Variants in KDM2B observed in about 807,000 individuals in gnomAD.
KDM2B encodes lysine-specific demethylase 2B.
A neutral mutation model predicts 150.0 loss-of-function variants in KDM2B; 26 were observed. That is an observed-to-expected ratio of 0.17 (90% CI 0.13 to 0.24). The LOEUF is 0.24. Among genes scored for constraint, KDM2B ranks in the 10% least tolerant of loss-of-function variants. The pLI is 1.00. For missense variants in KDM2B, 1,265 were observed against 1,816.9 expected, an observed-to-expected ratio of 0.70 and a Z score of 5.52; for synonymous variants, 734 against 729.5, an observed-to-expected ratio of 1.01 and a Z score of -0.10.
intron 6 of KDM2B, among the ~76,000 whole-genome samples, chr12:121,539,322 C>T (rs1225564260): frequency 1.0e-5 from 1 of 99,546 alleles, no homozygotes; most frequent in Non-Finnish European, 1.9e-5. Context: ...AGGAGACCCT[C>T]TCCCAAAAAA....
intron 12 of KDM2B, among the ~76,000 whole-genome samples, chr12:121,479,191 T>C (rs1555297374): frequency 6.6e-6 from 1 of 151,954 alleles, no homozygotes; most frequent in Non-Finnish European, 1.5e-5. Flanking sequence ...GGCTCAGGCC[T>C]GTAATCCCAG....
chr12:121,447,300 G>A (rs1876441731), intron 13 of KDM2B, among the ~76,000 whole-genome samples: 1 of 151,742 alleles, frequency 6.6e-6, no homozygotes, highest in African/African-American at 2.4e-5. Flanking sequence ...CCAGGCTGGA[G>A]TGCAGTGGCA....
intron 12 of KDM2B, among the ~76,000 whole-genome samples, chr12:121,455,847 C>T (rs1555292610): frequency 1.3e-5 from 2 of 152,236 alleles, no homozygotes; most frequent in East Asian, 3.8e-4. Context: ...CGTCTGGCTG[C>T]CCACGTGAGA....
At chr12:121,491,913 A>G (rs1426134582) in intron 12 of KDM2B, among the ~76,000 whole-genome samples, 2 of 152,188 alleles carry the variant, frequency 1.3e-5, no homozygotes, top group Non-Finnish European at 2.9e-5. Context: ...CTGTAATCAC[A>G]ACACTTTGGG....
chr12:121,541,003 CG>C (rs1353720315), intron 6 of KDM2B, among the ~76,000 whole-genome samples: 1 of 151,866 alleles, frequency 6.6e-6, no homozygotes, highest in Non-Finnish European at 1.5e-5. Flanking sequence ...GAGGCCGAGG[CG>C]GGTGGATCAC....
chr12:121,417,959 T>C, the KDM2B span: 1 of 1,568,588 alleles, frequency 6.4e-7, no homozygotes, highest in Non-Finnish European at 8.7e-7. This position sits in a 1 kb window ranked among gnomAD's most constrained non-coding sequence, Gnocchi z 5.0. Flanking sequence ...CGCTTATTCT[T>C]GGCCGTATAT....
At position 121,440,797 on chromosome 12, in the gene KDM2B, C is replaced by T. The variant is rs1555287984; in HGVS notation, c.3610+19G>A. ...TCGCTCACCCCACCCCCACAGAAACCCCCAGCCTGGCAACTCACCTGGCCT... is the reference window on the plus strand; with the variant it reads ...TCGCTCACCCCACCCCCACAGAAACTCCCAGCCTGGCAACTCACCTGGCCT... On this transcript the variant is annotated intron_variant, in intron 21 of 22. Coordinates refer to ENST00000377071, the MANE Select transcript of KDM2B (RefSeq NM_032590.5). 1 of 1,593,974 alleles carries T rather than the reference C, an allele frequency of 6.3e-7. No individual in the cohort carries two copies. Among genetic ancestry groups the T allele is most frequent in the Non-Finnish European group, 8.6e-7 (1 of 1,169,482 alleles).
intron 12 of KDM2B, among the ~76,000 whole-genome samples, chr12:121,491,449 G>A (rs2140290631): frequency 6.6e-6 from 1 of 152,212 alleles, no homozygotes; most frequent in African/African-American, 2.4e-5. Flanking sequence ...TTCTTCTTCT[G>A]CTTCACACCA....
At chr12:121,503,468 CTTTTG>C (rs151275311) in intron 11 of KDM2B, among the ~76,000 whole-genome samples, 3,875 of 151,762 alleles carry the variant, frequency 0.026, 143 homozygotes, top group African/African-American at 0.087. Flanking sequence ...TTTTTTGTTC[CTTTTG>C]TTTTGTTTTG....
chr12:121,580,516 G>A lies in KDM2B; in HGVS notation c.126+270C>T, dbSNP rs1228386725. ...CCGCCGCCCGGGAGTTGTGTGCAGA[G>A]CTGACTTTTGGAGGGCCGAGTTGCA... is the stretch of plus-strand genomic sequence containing the variant. On this transcript the variant is annotated intron_variant, in intron 1 of 22. Transcript: ENST00000377071. 3 of 1,267,538 alleles carry A rather than the reference G, an allele frequency of 2.4e-6. No homozygotes were observed. In the African/African-American group the frequency reaches 4.7e-5, roughly 20 times the overall value. The allele number at this position is 1,267,538 out of a possible 1,614,324, so 78.5% of individuals were successfully genotyped here. A position where few individuals can be genotyped will look rare whatever the true frequency, so the allele number is the denominator to read the frequency against.
In KDM2B at chr12:121,464,203, A is replaced by G. The variant is rs1177786306; in HGVS notation, c.1735-10859T>C. Among the ~76,000 whole-genome samples the G allele has an allele frequency of 2.0e-5, 3 of 152,372 alleles. No individual in the cohort carries two copies. The East Asian group carries it at 5.8e-4, about 29-fold the overall frequency. On this transcript the variant is annotated intron_variant, in intron 12 of 22. Coordinates refer to ENST00000377071, the MANE Select transcript of KDM2B (RefSeq NM_032590.5). The stretch of plus-strand genomic sequence containing the variant: ...AGTTATAATCATATCACTGTACTCC[A>G]GCCTGCGTGACAGAGCAGGACCCTG...
intron 11 of KDM2B, among the ~76,000 whole-genome samples, chr12:121,506,957 C>T (rs1319880797): frequency 1.3e-5 from 2 of 150,230 alleles, no homozygotes; most frequent in East Asian, 2.0e-4. Flanking sequence ...ATTAGCCCGG[C>T]GAGGTGGCGG....
intron 11 of KDM2B, among the ~76,000 whole-genome samples, chr12:121,507,000 G>A (rs575538223): frequency 1.3e-5 from 2 of 152,038 alleles, no homozygotes; most frequent in Non-Finnish European, 2.9e-5. Flanking sequence ...GGGAGGCTGA[G>A]GCAGGAGAAT....
chr12:121,518,551 G>A lies in KDM2B; in HGVS notation c.1047+2434C>T, dbSNP rs1157765218. Among the ~76,000 whole-genome samples, 3 of 152,142 alleles carry A rather than the reference G, an allele frequency of 2.0e-5. No homozygotes were observed. Among genetic ancestry groups the A allele is most frequent in the Admixed American group, 6.5e-5 (1 of 15,270 alleles). ...GGGACCTGCCATTCTCAACGAGGACGTGATATTCCACGTAAGCTCAGTGTG... is the reference window on the plus strand; with the variant it reads ...GGGACCTGCCATTCTCAACGAGGACATGATATTCCACGTAAGCTCAGTGTG... On this transcript the variant is annotated intron_variant, in intron 9 of 22. Transcript: ENST00000377071. The surrounding 1 kb of genome is among the most constrained non-coding windows in gnomAD (Gnocchi z 4.4).
Position 121,575,932 on chromosome 12 carries a change from G to A in KDM2B, c.272-73C>T. On this transcript the variant is annotated intron_variant, in intron 2 of 22. Transcript: ENST00000377071. The surrounding 1 kb of genome is among the most constrained non-coding windows in gnomAD (Gnocchi z 4.4). ...CAAATGAACCGGGATCTGTTGGTTAGGGGAAGAAAACTGATGGACGAAGGG... is the reference window on the plus strand; with the variant it reads ...CAAATGAACCGGGATCTGTTGGTTAAGGGAAGAAAACTGATGGACGAAGGG... The A allele has an allele frequency of 8.4e-7, 1 of 1,186,940 alleles. No individual in the cohort carries two copies. The highest frequency in any genetic ancestry group is 1.7e-5 in the Admixed American group (1 of 59,048). The allele number at this position is 1,186,940 out of a possible 1,614,324, so 73.5% of individuals were successfully genotyped here.
chr12:121,455,217 G>A (rs10744764), intron 12 of KDM2B, among the ~76,000 whole-genome samples: 48,082 of 152,072 alleles, frequency 0.32, 9,106 homozygotes, highest in East Asian at 0.42. Context: ...CCCCAAAGAG[G>A]AAAGGGAGGT....
Position 121,478,517 on chromosome 12 carries a change from G to A in KDM2B, c.1734+16062C>T, listed in dbSNP as rs1187311818. 5.3e-5 allele frequency among the ~76,000 whole-genome samples: 8 copies of A among 149,584 alleles called. No homozygotes were observed. The East Asian group carries it at 1.4e-3, about 26-fold the overall frequency. ...TGAGACTACAGGCTCCCGCCACTAC[G>A]CCCAGATAATTTTTTGTATTTTTAG... On this transcript the variant is annotated intron_variant, in intron 12 of 22. Transcript: ENST00000377071.
In KDM2B at chr12:121,467,354, G is replaced by A. The variant is rs1376311132; in HGVS notation, c.1735-14010C>T. 2 of 981,586 alleles carry A rather than the reference G, an allele frequency of 2.0e-6. No individual in the cohort carries two copies. Among genetic ancestry groups the A allele is most frequent in the Non-Finnish European group, 2.4e-6 (2 of 828,352 alleles). 60.8% of individuals were successfully genotyped at this position (981,586 alleles called of 1,614,324 possible). On this transcript the variant is annotated intron_variant, in intron 12 of 22. Transcript: ENST00000377071. This position sits in a 1 kb window ranked among gnomAD's most constrained non-coding sequence, Gnocchi z 5.1. ...CCCGCTGCCGCGAGGAGGGAGCCGC[G>A]CCGCGCGCCTCGCACGCCCGCGCTG...
chr12:121,437,725 T>C (rs987755841), intron 22 of KDM2B, among the ~76,000 whole-genome samples: 3 of 152,184 alleles, frequency 2.0e-5, no homozygotes, highest in Non-Finnish European at 4.4e-5. Flanking sequence ...GAATTGCAAC[T>C]TCCCTTGTCA....
Sources: gnomAD v4.1 joint callset for allele counts (sites outside exome capture counted in the v4.1 genomes callset) on GRCh38, gnomAD v4.1.1 for gene constraint, Gnocchi (gnomAD v3.1) non-coding constraint, MANE v1.5 for transcripts, NCBI Gene and HGNC (gene_info 2026-07-23, HGNC 2026-07-21) for gene names.